Variants in EIF3E observed in about 807,000 individuals in gnomAD.
EIF3E encodes the protein eIF-3 p48.
In EIF3E, 25 loss-of-function variants were observed where a neutral mutation model predicts 59.3. The ratio of observed to expected loss-of-function variants is 0.42; its 90% CI spans 0.31 to 0.59. The LOEUF is 0.59. Ranked by LOEUF, EIF3E falls within the 20% of genes least tolerant of loss-of-function variation. EIF3E has a pLI of 0.15. For synonymous variants in EIF3E, 176 were observed against 170.2 expected, an observed-to-expected ratio of 1.03 and a Z score of -0.26; for missense variants, 317 against 534.3, an observed-to-expected ratio of 0.59 and a Z score of 4.01.
intron 1 of EIF3E, among the ~76,000 whole-genome samples, chr8:108,247,922 T>C (rs1365980761): frequency 6.6e-6 from 1 of 150,766 alleles, no homozygotes. Context: ...TTATTCATGA[T>C]ATCTTGAGTA....
At position 108,242,189 on chromosome 8, in the gene EIF3E, G is replaced by A. The variant is rs1225798877; in HGVS notation, c.91-276C>T. ...ATTTACATGACCTTATTTTTTATGT[G>A]TCCCTACAAACCATCTCTTACCCTT... On this transcript the variant is annotated intron_variant, in intron 1 of 12. Transcript: ENST00000220849. The A allele has an allele frequency of 2.3e-6, 3 of 1,329,958 alleles. No individual in the cohort carries two copies. The South Asian group carries it at 3.7e-5, about 16-fold the overall frequency. The allele number at this position is 1,329,958 out of a possible 1,614,324, so 82.4% of individuals were successfully genotyped here.
intron 7 of EIF3E, among the ~76,000 whole-genome samples, chr8:108,221,261 T>C (rs1404505627): frequency 6.6e-6 from 1 of 152,192 alleles, no homozygotes; most frequent in Non-Finnish European, 1.5e-5. Flanking sequence ...CTGATCCTCC[T>C]GCCTTAGCCT....
At chr8:108,203,749 G>C (rs1359434101) in intron 10 of EIF3E, among the ~76,000 whole-genome samples, 1 of 151,932 alleles carries the variant, frequency 6.6e-6, no homozygotes, top group African/African-American at 2.4e-5. Context: ...AACATATTCT[G>C]CATTTACGGA....
chr8:108,221,012 C>T (rs571977524), intron 7 of EIF3E, among the ~76,000 whole-genome samples: 18 of 147,938 alleles, frequency 1.2e-4, no homozygotes, highest in Admixed American at 4.0e-4. Context: ...CCAGACTGGG[C>T]GACAGAGCGA....
chr8:108,231,893 T>G (rs769250987), intron 5 of EIF3E: 3 of 152,058 alleles, frequency 2.0e-5, no homozygotes, highest in Non-Finnish European at 4.4e-5. Flanking sequence ...AGCTTTAATT[T>G]ATACAACACT....
At chr8:108,221,130 GAAAGA>G (rs1305513930) in intron 7 of EIF3E, among the ~76,000 whole-genome samples, 2 of 151,912 alleles carry the variant, frequency 1.3e-5, no homozygotes, top group Non-Finnish European at 2.9e-5. Context: ...GAAAAGGAAA[GAAAGA>G]AAAGAAAAGA....
At chr8:108,232,992 C>T (rs914631137) in intron 5 of EIF3E, among the ~76,000 whole-genome samples, 1 of 152,202 alleles carries the variant, frequency 6.6e-6, no homozygotes, top group African/African-American at 2.4e-5. Context: ...TCATACCAGG[C>T]TTCTGATTTT....
intron 1 of EIF3E, among the ~76,000 whole-genome samples, chr8:108,245,896 A>T (rs1198235563): frequency 6.6e-6 from 1 of 152,184 alleles, no homozygotes; most frequent in African/African-American, 2.4e-5. Flanking sequence ...CTCTTGGTGC[A>T]ATGTAATAGT....
At chr8:108,208,681 A>C (rs919013056) in intron 10 of EIF3E, among the ~76,000 whole-genome samples, 5 of 152,170 alleles carry the variant, frequency 3.3e-5, no homozygotes, top group Admixed American at 1.3e-4. Context: ...TAACTTAATA[A>C]AATAAGCAAA....
At chr8:108,240,702 C>T (rs1815818124) in intron 2 of EIF3E, among the ~76,000 whole-genome samples, 1 of 152,174 alleles carries the variant, frequency 6.6e-6, no homozygotes, top group South Asian at 2.1e-4. Context: ...AAGAAATAGG[C>T]CAGGGGCAAG....
At chr8:108,207,287 A>G (rs1212853539) in intron 10 of EIF3E, among the ~76,000 whole-genome samples, 1 of 152,222 alleles carries the variant, frequency 6.6e-6, no homozygotes. Flanking sequence ...CCTGGGCAAC[A>G]CAGCAAGACC....
Position 108,229,145 on chromosome 8 carries a change from G to C in EIF3E, c.522C>G (p.Ala174=). The C allele has an allele frequency of 6.2e-7, 1 of 1,613,414 alleles. No homozygotes were observed. The highest frequency in any genetic ancestry group is 1.7e-5 in the Admixed American group (1 of 60,000). The change falls in exon 6 of 13, where the codon GCC becomes GCG. Residue 174 remains alanine, a synonymous_variant. Transcript: ENST00000220849. ...CCCAATTCTGCATTAAGATTTCAGA[G>C]GCCAGCTTTCCCCAGAGTGAACTTA... The part of the protein sequence containing the change: ...NALSSLWGKL[A]SEILMQNWDA...
rs2129828819 is a variant in EIF3E at position 108,201,400 on chromosome 8, A to T, written c.*485T>A. ...AAAATATAGCGATGAGGAACAGATTAGTGGTTCCTAGGGTTAGAGTTGGTT... is the reference window on the plus strand; with the variant it reads ...AAAATATAGCGATGAGGAACAGATTTGTGGTTCCTAGGGTTAGAGTTGGTT... On this transcript the variant is annotated 3_prime_UTR_variant, in exon 13 of 13. Coordinates refer to ENST00000220849, the MANE Select transcript of EIF3E (RefSeq NM_001568.3). The T allele has an allele frequency of 6.6e-6, 1 of 152,144 alleles. No individual in the cohort carries two copies. Among genetic ancestry groups the T allele is most frequent in the Non-Finnish European group, 1.5e-5 (1 of 67,988 alleles). The allele number at this position is 152,144 out of a possible 1,614,324, so 9.4% of individuals were successfully genotyped here.
At chr8:108,229,803 A>T (rs756174008) in intron 5 of EIF3E, among the ~76,000 whole-genome samples, 54 of 152,088 alleles carry the variant, frequency 3.6e-4, no homozygotes, top group Non-Finnish European at 5.1e-4. Context: ...TTTTATCCCC[A>T]TTTCAAAATG....
At chr8:108,226,524 C>T (rs602900) in intron 7 of EIF3E, among the ~76,000 whole-genome samples, 28,108 of 152,084 alleles carry the variant, frequency 0.18, 2,879 homozygotes, top group Middle Eastern at 0.23. Flanking sequence ...ACAGTGTAAA[C>T]GGGTTCCAAG....
intron 3 of EIF3E, among the ~76,000 whole-genome samples, chr8:108,237,434 T>TA (rs1815754576): frequency 6.6e-6 from 1 of 152,162 alleles, no homozygotes; most frequent in Non-Finnish European, 1.5e-5. Flanking sequence ...GTATTTTTAG[T>TA]AGAGATGAGG....
At chr8:108,241,299 C>G (rs1815829819) in intron 2 of EIF3E, among the ~76,000 whole-genome samples, 1 of 151,972 alleles carries the variant, frequency 6.6e-6, no homozygotes, top group South Asian at 2.1e-4. Context: ...TTAAGAGGAC[C>G]ACTTAACAGT....
intron 9 of EIF3E, among the ~76,000 whole-genome samples, chr8:108,215,597 A>G (rs610873): frequency 0.5 from 75,608 of 151,344 alleles, 18,884 homozygotes; most frequent in African/African-American, 0.58. Context: ...CAGCCTCGGC[A>G]ACAGAGTGAG....
chr8:108,234,925 CAT>C, intron 5 of EIF3E, 71 bp downstream of exon 5: 3 of 929,226 alleles, frequency 3.2e-6, no homozygotes, highest in Non-Finnish European at 4.6e-6. Flanking sequence ...TATCTATATA[CAT>C]GTTTTGAAGA....
Sources: allele counts gnomAD v4.1 joint callset (sites outside exome capture counted in the v4.1 genomes callset), GRCh38; gene constraint gnomAD v4.1.1; transcripts MANE v1.5; gene names NCBI Gene and HGNC (gene_info 2026-07-23, HGNC 2026-07-21).